Variants in WWOX observed in about 807,000 individuals in gnomAD.
The protein encoded by WWOX is WW domain-containing oxidoreductase.
Under a neutral mutation model 46.2 loss-of-function variants are expected in WWOX, and 69 were observed. The observed-to-expected ratio is 1.49, with a 90% CI of 1.23 to 1.82. The LOEUF (loss-of-function observed/expected upper bound fraction) is 1.82, where lower values mean the gene tolerates loss of function less well. Among genes scored for constraint, WWOX ranks in the 40% most tolerant of loss-of-function variants. The pLI, the probability that WWOX is intolerant of heterozygous loss-of-function variation, is 0.00. For missense variants in WWOX, 919 were observed against 542.6 expected, an observed-to-expected ratio of 1.69 and a Z score of -6.89; for synonymous variants, 359 against 202.6, an observed-to-expected ratio of 1.77 and a Z score of -6.56.
Position 79,010,218 on chromosome 16 carries a change from G to A in WWOX, c.1057-201390G>A, listed in dbSNP as rs759695246. 4.6e-5 allele frequency among the ~76,000 whole-genome samples: 7 copies of A among 152,138 alleles called. No individual in the cohort carries two copies. In the South Asian group the frequency reaches 6.2e-4, roughly 14 times the overall value. On this transcript the variant is annotated intron_variant, in intron 8 of 8. Coordinates refer to ENST00000566780, the MANE Select transcript of WWOX (RefSeq NM_016373.4). ...CAGGAGGCTTTCACAAATGCTTACC[G>A]AGCATCTGCTGTGTGCCAGACAAGA...
intron 8 of WWOX, among the ~76,000 whole-genome samples, chr16:79,194,922 G>C (rs2051208990): frequency 6.6e-6 from 1 of 152,110 alleles, no homozygotes; most frequent in Non-Finnish European, 1.5e-5. Context: ...GGATGAGAAA[G>C]AACCATGCAG....
intron 4 of WWOX, among the ~76,000 whole-genome samples, chr16:78,132,098 C>A (rs989098461): frequency 2.0e-5 from 3 of 149,032 alleles, no homozygotes; most frequent in Non-Finnish European, 4.4e-5. Flanking sequence ...TATCTTGGCT[C>A]ACTGCAAGCT....
At chr16:78,612,925 C>G (rs1173017438) in intron 8 of WWOX, among the ~76,000 whole-genome samples, 3 of 152,194 alleles carry the variant, frequency 2.0e-5, no homozygotes, top group Admixed American at 1.3e-4. Context: ...TAGTATGTGT[C>G]TCATTTTTTT....
intron 6 of WWOX, among the ~76,000 whole-genome samples, chr16:78,398,524 CG>C (rs1355338414): frequency 1.3e-5 from 2 of 152,172 alleles, no homozygotes; most frequent in Non-Finnish European, 2.9e-5. Flanking sequence ...TGCTCTTACC[CG>C]GGCACCACAG....
At chr16:78,787,296 A>T (rs2142577278) in intron 8 of WWOX, among the ~76,000 whole-genome samples, 1 of 152,274 alleles carries the variant, frequency 6.6e-6, no homozygotes, top group East Asian at 1.9e-4. Flanking sequence ...CGCTAAAGAA[A>T]CACCATATCC....
chr16:79,175,870 G>T (rs2011394), intron 8 of WWOX, among the ~76,000 whole-genome samples: 1 of 151,920 alleles, frequency 6.6e-6, no homozygotes, highest in African/African-American at 2.4e-5. Context: ...ACTCATGATT[G>T]CACTAACAGC....
At chr16:78,721,863 A>G (rs1567515122) in intron 8 of WWOX, among the ~76,000 whole-genome samples, 2 of 152,200 alleles carry the variant, frequency 1.3e-5, no homozygotes, top group Non-Finnish European at 2.9e-5. Context: ...TGGCAGAGCA[A>G]ACGCACACGT....
chr16:79,177,341 G>A (rs980317386), intron 8 of WWOX, among the ~76,000 whole-genome samples: 10 of 151,624 alleles, frequency 6.6e-5, no homozygotes, highest in African/African-American at 2.4e-4. Flanking sequence ...CCCTGTTAAA[G>A]TACTGTACTT....
intron 7 of WWOX, among the ~76,000 whole-genome samples, chr16:78,427,791 A>T (rs918820949): frequency 2.0e-5 from 3 of 151,252 alleles, no homozygotes; most frequent in African/African-American, 7.3e-5. Flanking sequence ...AATAAAAATT[A>T]AAAATTGTTT....
At chr16:79,181,939 C>T (rs1171117831) in intron 8 of WWOX, among the ~76,000 whole-genome samples, 5 of 152,290 alleles carry the variant, frequency 3.3e-5, no homozygotes, top group South Asian at 4.1e-4. Flanking sequence ...AAACATCATT[C>T]GTTTGAAAGC....
At chr16:78,365,303 C>T (rs907621382) in intron 5 of WWOX, among the ~76,000 whole-genome samples, 4 of 152,140 alleles carry the variant, frequency 2.6e-5, no homozygotes, top group South Asian at 2.1e-4. Context: ...AAGCTAATGC[C>T]GTGAGCCAGC....
chr16:78,583,843 G>A (rs1051432173), intron 8 of WWOX, among the ~76,000 whole-genome samples: 2 of 152,206 alleles, frequency 1.3e-5, no homozygotes, highest in African/African-American at 4.8e-5. Flanking sequence ...GAGCCTCTCA[G>A]GTGAAGAGCT....
intron 5 of WWOX, among the ~76,000 whole-genome samples, chr16:78,234,756 A>G (rs2151811763): frequency 6.6e-6 from 1 of 151,684 alleles, no homozygotes; most frequent in South Asian, 2.1e-4. Context: ...TATTTTTAAA[A>G]TAGAGGTACA....
chr16:78,786,954 C>T (rs866194022), intron 8 of WWOX, among the ~76,000 whole-genome samples: 59 of 152,188 alleles, frequency 3.9e-4, no homozygotes, highest in African/African-American at 1.4e-3. Flanking sequence ...TAGAGATGAG[C>T]CTGGGCAACA....
intron 8 of WWOX, among the ~76,000 whole-genome samples, chr16:78,701,203 G>A (rs1046872913): frequency 6.6e-6 from 1 of 152,148 alleles, no homozygotes; most frequent in African/African-American, 2.4e-5. Flanking sequence ...GGTATTTGCT[G>A]TGGTTATTTA....
chr16:78,306,684 G>T (rs972130450), intron 5 of WWOX, among the ~76,000 whole-genome samples: 11 of 151,652 alleles, frequency 7.3e-5, no homozygotes, highest in Admixed American at 6.6e-5. Context: ...TTCCTGATGA[G>T]CCCTATGCCT....
intron 8 of WWOX, among the ~76,000 whole-genome samples, chr16:78,760,324 G>C (rs2049760958): frequency 6.6e-6 from 1 of 152,176 alleles, no homozygotes; most frequent in Admixed American, 6.5e-5. Flanking sequence ...CACAACATGT[G>C]GGAATTATGG....
At chr16:78,505,680 C>T (rs1213741608) in intron 8 of WWOX, among the ~76,000 whole-genome samples, 1 of 151,782 alleles carries the variant, frequency 6.6e-6, no homozygotes. Context: ...CACCCTCATT[C>T]CCAGTCCTGG....
At chr16:78,132,764 C>G (rs1428373056) in intron 4 of WWOX, among the ~76,000 whole-genome samples, 1 of 152,152 alleles carries the variant, frequency 6.6e-6, no homozygotes, top group Non-Finnish European at 1.5e-5. Flanking sequence ...GCTCTGGGCT[C>G]TTCGATTCTC....
Sources: gnomAD v4.1 joint callset for allele counts (sites outside exome capture counted in the v4.1 genomes callset) on GRCh38, gnomAD v4.1.1 for gene constraint, MANE v1.5 for transcripts, NCBI Gene and HGNC (gene_info 2026-07-23, HGNC 2026-07-21) for gene names.